The following BCL3 variants were observed in gnomAD, a reference collection of about 807,000 sequenced individuals.
BCL3 encodes B-cell lymphoma 3 protein.
Under a neutral mutation model 35.7 loss-of-function variants are expected in BCL3, and 15 were observed. The ratio of observed to expected loss-of-function variants is 0.42; its 90% CI spans 0.28 to 0.65. BCL3 has a LOEUF of 0.65. BCL3 is among the 30% of genes least tolerant of loss of function. The probability of loss-of-function intolerance (pLI) is 0.22; values close to 1 mark genes in which losing one functional copy is unlikely to be tolerated. For missense variants in BCL3, 565 were observed against 641.7 expected (o/e 0.88, Z 1.29); for synonymous variants, 311 against 284.3 (o/e 1.09, Z -0.95).
chr19:44,759,591 C>G lies in BCL3; in HGVS notation c.1341C>G (p.Pro447=). The change falls in exon 9 of 9, where the codon CCC becomes CCG. Residue 447 remains proline, a synonymous_variant. Coordinates refer to ENST00000164227, the MANE Select transcript of BCL3 (RefSeq NM_005178.5). ...VLRGPGRPVP[P]SPAPGGS ...GAGGCCCTGGCCGGCCGGTGCCCCCCTCCCCAGCTCCAGGAGGCAGCTGAG... is the reference window on the plus strand; with the variant it reads ...GAGGCCCTGGCCGGCCGGTGCCCCCGTCCCCAGCTCCAGGAGGCAGCTGAG... 8.7e-6 allele frequency: 14 copies of G among 1,607,018 alleles called. No individual in the cohort carries two copies. The highest frequency in any genetic ancestry group is 1.2e-5 in the Non-Finnish European group (14 of 1,178,490).
At position 44,748,846 on chromosome 19, in the gene BCL3, G is replaced by T; in HGVS notation, c.56G>T (p.Arg19Leu). 9.1e-7 allele frequency: 1 copy of T among 1,104,916 alleles called. No homozygotes were observed. The allele number at this position is 1,104,916 out of a possible 1,614,324, so 68.4% of individuals were successfully genotyped here. The change falls in exon 1 of 9, where the codon CGG becomes CTG. Residue 19 changes from arginine (R) to leucine (L), a missense_variant. Coordinates refer to ENST00000164227, the MANE Select transcript of BCL3 (RefSeq NM_005178.5). Reference sequence around the variant, plus strand: ...GAGGGGCCCGTGGACCTGCGCACCCGGCCCAAGGCCGCCGGACTCCCGGGC... The same window carrying T: ...GAGGGGCCCGTGGACCTGCGCACCCTGCCCAAGGCCGCCGGACTCCCGGGC... The part of the protein sequence containing the change: ...MDEGPVDLRT[R>L]PKAAGLPGAA...
Position 44,759,499 on chromosome 19 carries a change from G to T in BCL3, c.1249G>T (p.Ala417Ser). 1 of 1,612,232 alleles carries T rather than the reference G, an allele frequency of 6.2e-7. No individual in the cohort carries two copies. Among genetic ancestry groups the T allele is most frequent in the Non-Finnish European group, 8.5e-7 (1 of 1,179,226 alleles). Residue 417 changes from alanine (A) to serine (S), a missense_variant, in exon 9 of 9, where the codon GCT (alanine) becomes TCT (serine). Around this residue, in one of 5 missense-constraint regions of BCL3, gnomAD observed 151 missense variants for 138.1 expected, o/e 1.09. Coordinates refer to ENST00000164227, the MANE Select transcript of BCL3 (RefSeq NM_005178.5). ...PPRDPPGFPM[A>S]PPNFFLPSPS... Reference sequence around the variant, plus strand: ...CAGGGACCCCCCTGGATTCCCCATGGCTCCTCCCAATTTCTTCCTTCCTTC... The same window carrying T: ...CAGGGACCCCCCTGGATTCCCCATGTCTCCTCCCAATTTCTTCCTTCCTTC...
In BCL3 at chr19:44,757,000, C is replaced by T. The variant is rs377622191; in HGVS notation, c.520-17C>T. ...AGCAGGGCTGGACACAGGTCCCTCA[C>T]AGTCACTGTTCCCCAGACACCGCTC... On this transcript the variant is annotated splice_polypyrimidine_tract_variant and intron_variant, in intron 3 of 8. Coordinates refer to ENST00000164227, the MANE Select transcript of BCL3 (RefSeq NM_005178.5). 88 of 1,585,860 alleles carry T rather than the reference C, an allele frequency of 5.5e-5. No homozygotes were observed. Among genetic ancestry groups the T allele is most frequent in the Non-Finnish European group, 7.3e-5 (85 of 1,160,978 alleles).
At position 44,757,772 on chromosome 19, in the gene BCL3, A is replaced by T; in HGVS notation, c.891+49A>T. The T allele has an allele frequency of 6.3e-7, 1 of 1,575,112 alleles. No homozygotes were observed. The highest frequency in any genetic ancestry group is 8.7e-7 in the Non-Finnish European group (1 of 1,148,054). ...CGCGCCCACCCTATCCTCTGACCCC[A>T]ACCCGGCTCTGGCCTCAGCCCCTAG... On this transcript the variant is annotated intron_variant, in intron 6 of 8. Coordinates refer to ENST00000164227, the MANE Select transcript of BCL3 (RefSeq NM_005178.5). This position sits in a 1 kb window ranked among gnomAD's most constrained non-coding sequence, Gnocchi z 8.4.
chr19:44,758,801 C>G lies in BCL3; in HGVS notation c.1137C>G (p.Ala379=), dbSNP rs1227065405. ...CAGACCCCTCCCCTGACCGGAGCGCCAACACCTCCCCCGAGAGCAGCAGCC... is the reference window on the plus strand; with the variant it reads ...CAGACCCCTCCCCTGACCGGAGCGCGAACACCTCCCCCGAGAGCAGCAGCC... The part of the protein sequence containing the change: ...SQPDPSPDRS[A]NTSPESSSRL... Residue 379 remains alanine (A), a synonymous_variant, in exon 8 of 9, where the codon GCC becomes GCG. Coordinates refer to ENST00000164227, the MANE Select transcript of BCL3 (RefSeq NM_005178.5). The G allele has an allele frequency of 6.2e-7, 1 of 1,608,066 alleles. No homozygotes were observed.
chr19:44,754,244 AAGG>A (rs1967237905), intron 2 of BCL3, among the ~76,000 whole-genome samples: 1 of 152,164 alleles, frequency 6.6e-6, no homozygotes, highest in African/African-American at 2.4e-5. Flanking sequence ...ATGCCGGGAT[AAGG>A]AGGACTTGCA....
intron 7 of BCL3, 134 bp from the exon 8 acceptor site, chr19:44,758,590 G>GA: frequency 7.9e-7 from 1 of 1,258,748 alleles, no homozygotes; most frequent in Non-Finnish European, 1.1e-6. Flanking sequence ...CTGGCACCAA[G>GA]AAAAAAAGTG....
In BCL3 at chr19:44,758,409, G is replaced by T. The variant is rs143644908; in HGVS notation, c.1055G>T (p.Arg352Leu). 1 of 1,543,174 alleles carries T rather than the reference G, an allele frequency of 6.5e-7. No homozygotes were observed. Among genetic ancestry groups the T allele is most frequent in the Non-Finnish European group, 8.7e-7 (1 of 1,145,226 alleles). ...ACGCCGCTCATGGTGGCGCGCAGCC[G>T]CAGGGTGAGCCGGGGCAGCTGTGGA... ...NDTPLMVARS[R>L]RVIDILRGKA... The change falls in exon 7 of 9, where the codon CGC (arginine) becomes CTC (leucine). Residue 352 changes from arginine (R) to leucine (L), a missense_variant. Transcript: ENST00000164227.
At chr19:44,756,400 G>A in intron 3 of BCL3, 60 bp downstream of exon 3, 2 of 1,260,298 alleles carry the variant, frequency 1.6e-6, no homozygotes, top group South Asian at 2.1e-5. Flanking sequence ...GACAGAGGAG[G>A]GGCTGGGGGC....
In BCL3 at chr19:44,757,512, C is replaced by A; in HGVS notation, c.813+97C>A. The A allele has an allele frequency of 2.0e-6, 3 of 1,491,094 alleles. No homozygotes were observed. Among genetic ancestry groups the A allele is most frequent in the Non-Finnish European group, 2.7e-6 (3 of 1,092,934 alleles). 92.4% of individuals were successfully genotyped at this position (1,491,094 alleles called of 1,614,324 possible). A position where few individuals can be genotyped will look rare whatever the true frequency, so the allele number is the denominator to read the frequency against. On this transcript the variant is annotated intron_variant, in intron 5 of 8. Transcript: ENST00000164227. The surrounding 1 kb of genome is among the most constrained non-coding windows in gnomAD (Gnocchi z 8.4). ...GTGTGGGGCTGGCGTGGGAGAGCAC[C>A]CGGGTGGGGTGGGGCTTGGAGTATC...
chr19:44,751,183 G>C (rs776691851), intron 1 of BCL3, 44 bp from the exon 2 acceptor site: 1 of 1,575,902 alleles, frequency 6.3e-7, no homozygotes, highest in African/African-American at 1.4e-5. Flanking sequence ...AGGGTCTGTG[G>C]GTGTGGCCTC....
upstream of BCL3, chr19:44,748,021 C>T (rs1967098031): frequency 7.5e-7 from 1 of 1,326,040 alleles, no homozygotes; most frequent in East Asian, 4.0e-5. Context: ...AGGAATCGTT[C>T]CTGGCCGCCT....
rs765271744 is a variant in BCL3, at chr19:44,757,386, C to G, written c.784C>G (p.Leu262Val). 6.2e-7 allele frequency: 1 copy of G among 1,604,150 alleles called. No homozygotes were observed. The highest frequency in any genetic ancestry group is 1.7e-5 in the Admixed American group (1 of 59,018). ...GTGCCAAGAAACCGTGCAGCTCTTG[C>G]TAGAGCGCGGTGCCGACATCGACGC... is the stretch of plus-strand genomic sequence containing the variant. Reference protein sequence around the residue: ...TECQETVQLLLERGADIDAVD... With the variant: ...TECQETVQLLVERGADIDAVD... The change falls in exon 5 of 9, where the codon CTA becomes GTA. Residue 262 changes from leucine to valine, a missense_variant. Coordinates refer to ENST00000164227, the MANE Select transcript of BCL3 (RefSeq NM_005178.5). The surrounding 1 kb of genome is among the most constrained non-coding windows in gnomAD (Gnocchi z 8.4).
At chr19:44,758,664 G>A in intron 7 of BCL3, 60 bp from the exon 8 acceptor site, 1 of 1,434,212 alleles carries the variant, frequency 7.0e-7, no homozygotes, top group Non-Finnish European at 9.6e-7. Context: ...GAGCTAGGAG[G>A]GATGGGAGAG....
rs1329745068 is a variant in BCL3, at chr19:44,757,399, C to G, written c.797C>G (p.Ala266Gly). 1.2e-6 allele frequency: 2 copies of G among 1,600,354 alleles called. No individual in the cohort carries two copies. The highest frequency in any genetic ancestry group is 1.7e-6 in the Non-Finnish European group (2 of 1,173,780). ...ETVQLLLERG[A>G]DIDAVDIKSG... ...GTGCAGCTCTTGCTAGAGCGCGGTG[C>G]CGACATCGACGCAGTGGTGAGCGTG... Residue 266 changes from alanine to glycine, a missense_variant, in exon 5 of 9, where the codon GCC becomes GGC. Around this residue, in one of 5 missense-constraint regions of BCL3, gnomAD observed 103 missense variants for 106.7 expected, o/e 0.97. Transcript: ENST00000164227. The surrounding 1 kb of genome is among the most constrained non-coding windows in gnomAD (Gnocchi z 8.4).
chr19:44,755,682 C>G (rs1482920691), intron 2 of BCL3, among the ~76,000 whole-genome samples: 4 of 152,160 alleles, frequency 2.6e-5, no homozygotes, highest in Non-Finnish European at 5.9e-5. Context: ...GAGGCTGAGG[C>G]TGAGGCAGGA....
intron 2 of BCL3, among the ~76,000 whole-genome samples, chr19:44,753,412 C>T (rs1394358806): frequency 6.6e-6 from 1 of 152,224 alleles, no homozygotes; most frequent in Non-Finnish European, 1.5e-5. Flanking sequence ...CCGACTCTCC[C>T]CCAAGGCAAA....
intron 2 of BCL3, among the ~76,000 whole-genome samples, chr19:44,752,609 C>G (rs1197802191): frequency 6.6e-6 from 1 of 152,152 alleles, no homozygotes; most frequent in South Asian, 2.1e-4. Flanking sequence ...TTCACAACCC[C>G]CATGGTTTAT....
chr19:44,751,890 C>G (rs930809535), intron 2 of BCL3, among the ~76,000 whole-genome samples: 14 of 151,686 alleles, frequency 9.2e-5, no homozygotes, highest in Non-Finnish European at 8.8e-5. Flanking sequence ...GGCATGAGCC[C>G]CAAGCCCACC....
Sources: gnomAD v4.1 joint callset for allele counts (sites outside exome capture counted in the v4.1 genomes callset) on GRCh38, gnomAD v4.1.1 for gene constraint, gnomAD v4.1.1 regional missense constraint, Gnocchi (gnomAD v3.1) non-coding constraint, MANE v1.5 for transcripts, NCBI Gene and HGNC (gene_info 2026-07-23, HGNC 2026-07-21) for gene names.